CABIN1: variants seen among roughly 807,000 people sequenced by gnomAD.
The protein encoded by CABIN1 is calcineurin-binding protein cabin-1.
Under a neutral mutation model 227.7 loss-of-function variants are expected in CABIN1, and 133 were observed. The observed-to-expected ratio is 0.58, with a 90% confidence interval of 0.51 to 0.67. The LOEUF (loss-of-function observed/expected upper bound fraction) is 0.67. Among genes scored for constraint, CABIN1 ranks in the 30% least tolerant of loss-of-function variants. CABIN1 has a pLI of 0.00. For missense variants in CABIN1, 2,408 were observed against 2,852.5 expected, an observed-to-expected ratio of 0.84 and a Z score of 3.55; for synonymous variants, 1,086 against 1,155.1, an observed-to-expected ratio of 0.94 and a Z score of 1.21.
rs1466494192 is a variant in CABIN1, at chr22:24,042,950, G to C, written c.392G>C (p.Gly131Ala). The C allele has an allele frequency of 6.2e-7, 1 of 1,608,630 alleles. No individual in the cohort carries two copies. Among genetic ancestry groups the C allele is most frequent in the African/African-American group, 1.3e-5 (1 of 74,132 alleles). ...GATGTCAACCTCTGGTATAAGATTG[G>C]ACATGTGGCCCTGAGGCTCATCCGG... is the stretch of plus-strand genomic sequence containing the variant. Reference protein sequence around the residue: ...STDVNLWYKIGHVALRLIRIP... With the variant: ...STDVNLWYKIAHVALRLIRIP... Residue 131 changes from glycine to alanine, a missense_variant, in exon 6 of 37, where the codon GGA becomes GCA. Gly to Ala is a moderately conservative substitution (Grantham distance 60). Around this residue, in one of 3 missense-constraint regions of CABIN1, gnomAD observed 1,045 missense variants for 1,168.4 expected, o/e 0.89. Transcript: ENST00000263119.
chr22:24,066,280 T>C (rs2039671776), intron 15 of CABIN1, among the ~76,000 whole-genome samples: 1 of 152,174 alleles, frequency 6.6e-6, no homozygotes, highest in Non-Finnish European at 1.5e-5. Context: ...CAGCACTATT[T>C]AGAAGCAGTC....
rs143158481 is a variant in CABIN1, at chr22:24,038,784, G to A, written c.210+323G>A. ...AAATGTGGAAACTGAGGCTTAGTGA[G>A]GTCTTGATGGCTCAAAGCCATCCAA... is the stretch of plus-strand genomic sequence containing the variant. On this transcript the variant is annotated intron_variant, in intron 4 of 36. Transcript: ENST00000263119. Among the ~76,000 whole-genome samples, 256 of 152,304 alleles carry A rather than the reference G, an allele frequency of 1.7e-3. 2 individuals carry two copies. Among genetic ancestry groups the A allele is most frequent in the African/African-American group, 5.9e-3 (244 of 41,556 alleles).
chr22:24,142,464 C>G (rs949355483), intron 29 of CABIN1, among the ~76,000 whole-genome samples: 4 of 152,190 alleles, frequency 2.6e-5, no homozygotes, highest in African/African-American at 9.7e-5. Context: ...TGGCCAGGCC[C>G]CAAGGTCTGT....
rs183229182 is a variant in CABIN1 at position 24,012,961 on chromosome 22, G to A, written c.-75+1594G>A. On this transcript the variant is annotated intron_variant, in intron 1 of 36. Transcript: ENST00000263119. ...TTTTTAGTAGAGACGGGGTTTCACC[G>A]TATTGGTCAGGCTGCTCTCAAACTC... is the stretch of plus-strand genomic sequence containing the variant. Among the ~76,000 whole-genome samples the A allele has an allele frequency of 9.2e-5, 14 of 151,930 alleles. No homozygotes were observed. The East Asian group carries it at 1.6e-3, about 17-fold the overall frequency.
At position 24,177,914 on chromosome 22, in the gene CABIN1, G is replaced by A; in HGVS notation, c.6519+97G>A. Reference sequence around the variant, plus strand: ...GGTGGGGGTGGCAGGAGGGCCTGGGGTGTGGGTGAGGATGGCATAGGGGCC... The same window carrying A: ...GGTGGGGGTGGCAGGAGGGCCTGGGATGTGGGTGAGGATGGCATAGGGGCC... On this transcript the variant is annotated intron_variant, in intron 36 of 36. Coordinates refer to ENST00000263119, the MANE Select transcript of CABIN1 (RefSeq NM_012295.4). This position sits in a 1 kb window ranked among gnomAD's most constrained non-coding sequence, Gnocchi z 4.4. The A allele has an allele frequency of 1.1e-5, 16 of 1,499,238 alleles. No individual in the cohort carries two copies. The highest frequency in any genetic ancestry group is 1.4e-5 in the Non-Finnish European group (15 of 1,098,610). 92.9% of individuals were successfully genotyped at this position (1,499,238 alleles called of 1,614,324 possible). A position where few individuals can be genotyped will look rare whatever the true frequency, so the allele number is the denominator to read the frequency against.
Position 24,059,282 on chromosome 22 carries a change from C to T in CABIN1, c.1318C>T (p.Gln440Ter), listed in dbSNP as rs756590725. The T allele has an allele frequency of 5.6e-6, 9 of 1,614,056 alleles. No homozygotes were observed. Among genetic ancestry groups the T allele is most frequent in the African/African-American group, 5.3e-5 (4 of 74,934 alleles). Residue 440 changes from glutamine to a stop codon, truncating the protein, a stop_gained, in exon 11 of 37, where the codon CAG (glutamine) becomes TAG (stop). Transcript: ENST00000263119. LOFTEE classifies it high-confidence loss of function. ...EDDSFNNYEV[Q>*]SEAKLESFPS... ...TGATTCCTTTAATAACTATGAAGTCCAGTCAGAAGCCAAACTGGAAAGCTT... is the reference window on the plus strand; with the variant it reads ...TGATTCCTTTAATAACTATGAAGTCTAGTCAGAAGCCAAACTGGAAAGCTT...
intron 10 of CABIN1, among the ~76,000 whole-genome samples, chr22:24,057,024 C>T (rs1305748418): frequency 1.3e-5 from 2 of 152,090 alleles, no homozygotes; most frequent in Non-Finnish European, 2.9e-5. Context: ...GCAAGCTCCA[C>T]CTCCCGGGTT....
intron 6 of CABIN1, among the ~76,000 whole-genome samples, chr22:24,046,138 G>C (rs1434023709): frequency 6.6e-6 from 1 of 152,008 alleles, no homozygotes; most frequent in Admixed American, 6.6e-5. Flanking sequence ...TGTAGCGTGT[G>C]CTTTCCTCAG....
At chr22:24,165,436 C>T in intron 30 of CABIN1, 94 bp from the exon 31 acceptor site, 1 of 1,172,668 alleles carries the variant, frequency 8.5e-7, no homozygotes, top group South Asian at 1.3e-5. Context: ...AACAGGCATC[C>T]TCAAGGCAGG....
intron 28 of CABIN1, among the ~76,000 whole-genome samples, chr22:24,134,040 G>A (rs2044238243): frequency 6.6e-6 from 1 of 152,240 alleles, no homozygotes; most frequent in African/African-American, 2.4e-5. Flanking sequence ...CCAGGGGTCT[G>A]TCAGTCTCCA....
chr22:24,118,640 C>T (rs1204700562), intron 27 of CABIN1, among the ~76,000 whole-genome samples: 1 of 152,228 alleles, frequency 6.6e-6, no homozygotes, highest in Non-Finnish European at 1.5e-5. Flanking sequence ...CCAGCCCTTT[C>T]CATCTGTCCC....
At chr22:24,118,186 C>T (rs1483319219) in intron 27 of CABIN1, among the ~76,000 whole-genome samples, 6 of 152,022 alleles carry the variant, frequency 3.9e-5, no homozygotes, top group Non-Finnish European at 8.8e-5. Flanking sequence ...GCAATGGCTC[C>T]AGGAGAAGGA....
At chr22:24,099,785 A>C (rs1310530877) in intron 26 of CABIN1, among the ~76,000 whole-genome samples, 1 of 152,196 alleles carries the variant, frequency 6.6e-6, no homozygotes. Context: ...GCTCACATGC[A>C]CCTGGGCTAG....
intron 28 of CABIN1, among the ~76,000 whole-genome samples, chr22:24,127,282 G>C (rs1351243506): frequency 6.6e-6 from 1 of 152,240 alleles, no homozygotes; most frequent in Non-Finnish European, 1.5e-5. Context: ...CGCGGTGCCT[G>C]TCGGGGCTGG....
rs1407369142 is a variant in CABIN1, at chr22:24,057,364, A to T, written c.1262+1004A>T. On this transcript the variant is annotated intron_variant, in intron 10 of 36. Coordinates refer to ENST00000263119, the MANE Select transcript of CABIN1 (RefSeq NM_012295.4). ...TTAATACTCCCCTTTCTCCTCCCTT[A>T]GCTGAGTGGAGAGGCCTCTCTCGGC... Among the ~76,000 whole-genome samples the T allele has an allele frequency of 2.0e-5, 3 of 152,100 alleles. No individual in the cohort carries two copies. The South Asian group carries it at 6.2e-4, about 32-fold the overall frequency.
At chr22:24,071,374 C>T (rs1414935967) in intron 17 of CABIN1, among the ~76,000 whole-genome samples, 2 of 152,174 alleles carry the variant, frequency 1.3e-5, no homozygotes, top group Non-Finnish European at 2.9e-5. Flanking sequence ...GGCCAGAGCG[C>T]AGGCCGGGAT....
chr22:24,047,576 G>C (rs528741847), intron 6 of CABIN1, among the ~76,000 whole-genome samples: 1 of 152,350 alleles, frequency 6.6e-6, no homozygotes, highest in African/African-American at 2.4e-5. Flanking sequence ...ACTGTGCTGG[G>C]ATTGTACAGA....
chr22:24,152,616 C>G (rs1421426016), intron 29 of CABIN1, among the ~76,000 whole-genome samples: 1 of 152,150 alleles, frequency 6.6e-6, no homozygotes, highest in Admixed American at 6.5e-5. Flanking sequence ...AGGCTGAGAA[C>G]GGGGACTGTT....
At chr22:24,036,362 G>T (rs560781560) in intron 3 of CABIN1, among the ~76,000 whole-genome samples, 181 bp downstream of exon 3, 6 of 152,278 alleles carry the variant, frequency 3.9e-5, no homozygotes, top group East Asian at 1.9e-4. Context: ...ATATAGAGGA[G>T]AAATTATATT....
Sources: allele counts gnomAD v4.1 joint callset (sites outside exome capture counted in the v4.1 genomes callset), GRCh38; gene constraint gnomAD v4.1.1; regional missense constraint gnomAD v4.1.1; non-coding constraint Gnocchi (gnomAD v3.1); transcripts MANE v1.5; gene names NCBI Gene and HGNC (gene_info 2026-07-23, HGNC 2026-07-21).